Variants in SLIT3 observed in about 807,000 individuals in gnomAD.
The protein encoded by SLIT3 is slit homolog 3 protein.
Under a neutral mutation model 184.0 loss-of-function variants are expected in SLIT3, and 68 were observed. That is an observed-to-expected ratio of 0.37 (90% confidence interval 0.30 to 0.45). SLIT3 has a LOEUF of 0.45. SLIT3 is among the 20% of genes least tolerant of loss of function. The pLI is 1.00. For missense variants in SLIT3, 1,707 were observed against 2,026.0 expected (o/e 0.84, Z 3.02); for synonymous variants, 831 against 828.6 (o/e 1.00, Z -0.05).
At chr5:169,015,805 T>C (rs1283178498) in intron 4 of SLIT3, among the ~76,000 whole-genome samples, 1 of 151,938 alleles carries the variant, frequency 6.6e-6, no homozygotes, top group African/African-American at 2.4e-5. Flanking sequence ...GTGGTGGTAC[T>C]TGCCTATAGT....
intron 4 of SLIT3, among the ~76,000 whole-genome samples, chr5:169,189,984 A>G (rs1763497946): frequency 6.6e-6 from 1 of 152,216 alleles, no homozygotes; most frequent in Non-Finnish European, 1.5e-5. Context: ...TGCTCAATAC[A>G]CTAGCAGACA....
At chr5:168,791,453 G>T (rs955340328) in intron 10 of SLIT3, 1 of 152,146 alleles carries the variant, frequency 6.6e-6, no homozygotes, top group Non-Finnish European at 1.5e-5. Context: ...AATTGACCTT[G>T]GTCACTTTGT....
Position 169,197,220 on chromosome 5 carries a change from A to G in SLIT3, c.342-3670T>C, listed in dbSNP as rs536325705. 1.5e-4 allele frequency among the ~76,000 whole-genome samples: 23 copies of G among 152,296 alleles called. No homozygotes were observed. The East Asian group carries it at 4.4e-3, about 29-fold the overall frequency. On this transcript the variant is annotated intron_variant, in intron 3 of 35. Transcript: ENST00000519560. ...CCCACTGCTTCATAAACCCTGAATG[A>G]GGATTCTGGGACAGATGGGTGGGGC...
chr5:168,966,513 G>A (rs772099383), intron 4 of SLIT3, among the ~76,000 whole-genome samples: 2 of 152,154 alleles, frequency 1.3e-5, no homozygotes, highest in Non-Finnish European at 2.9e-5. Context: ...CCATGGGACT[G>A]CCCTCCTTGT....
intron 4 of SLIT3, among the ~76,000 whole-genome samples, chr5:168,945,869 T>A (rs1762460355): frequency 6.6e-6 from 1 of 152,218 alleles, no homozygotes; most frequent in Non-Finnish European, 1.5e-5. Context: ...AAATATCTCT[T>A]GATTTGTTCT....
intron 2 of SLIT3, among the ~76,000 whole-genome samples, chr5:169,246,564 G>A (rs1161412796): frequency 6.6e-6 from 1 of 152,098 alleles, no homozygotes; most frequent in Non-Finnish European, 1.5e-5. Context: ...AAGTTCTTAC[G>A]AGAACAAAAA....
intron 18 of SLIT3, among the ~76,000 whole-genome samples, chr5:168,749,843 C>G (rs756717628): frequency 3.9e-5 from 6 of 152,154 alleles, no homozygotes; most frequent in Non-Finnish European, 7.3e-5. Context: ...CCATGCCCTC[C>G]CTTGGGTACC....
chr5:168,930,402 G>A (rs1290535188), intron 4 of SLIT3, among the ~76,000 whole-genome samples: 3 of 152,156 alleles, frequency 2.0e-5, no homozygotes, highest in East Asian at 3.9e-4. Context: ...ATGCTGAATG[G>A]TTTGCTGTTT....
At chr5:169,049,419 T>C (rs570838804) in intron 4 of SLIT3, among the ~76,000 whole-genome samples, 4 of 152,300 alleles carry the variant, frequency 2.6e-5, no homozygotes, top group African/African-American at 9.6e-5. Context: ...GATGTTGCTT[T>C]GCTTAACTTT....
At chr5:168,960,463 T>C (rs1762966509) in intron 4 of SLIT3, among the ~76,000 whole-genome samples, 1 of 152,246 alleles carries the variant, frequency 6.6e-6, no homozygotes, top group South Asian at 2.1e-4. Flanking sequence ...ATATCTCCTT[T>C]ACATGCAGAG....
chr5:168,913,831 C>T (rs1464314703), intron 4 of SLIT3, among the ~76,000 whole-genome samples: 1 of 151,962 alleles, frequency 6.6e-6, no homozygotes, highest in African/African-American at 2.4e-5. Context: ...CCACTCTGAC[C>T]TCTGGTCTCT....
At chr5:168,823,364 GGCA>G (rs1757597985) in intron 6 of SLIT3, 33 bp from the exon 7 acceptor site, 1 of 1,523,066 alleles carries the variant, frequency 6.6e-7, no homozygotes, top group Non-Finnish European at 9.1e-7. Flanking sequence ...TGGTCAGCCA[GGCA>G]GCAGCAGGGG....
intron 4 of SLIT3, among the ~76,000 whole-genome samples, chr5:168,953,127 A>T (rs981576344): frequency 1.3e-5 from 2 of 152,154 alleles, no homozygotes; most frequent in African/African-American, 4.8e-5. Context: ...TATACATGAA[A>T]GTCCCAAAGT....
chr5:168,821,337 C>T (rs1012571670), intron 7 of SLIT3, among the ~76,000 whole-genome samples: 1 of 152,326 alleles, frequency 6.6e-6, no homozygotes, highest in East Asian at 1.9e-4. Context: ...ACAGGAACAG[C>T]TCACAGGAGC....
chr5:169,116,813 C>T (rs1760682819), intron 4 of SLIT3, among the ~76,000 whole-genome samples: 1 of 152,220 alleles, frequency 6.6e-6, no homozygotes, highest in Non-Finnish European at 1.5e-5. Context: ...GAAGGAGCCC[C>T]ATGTCCTCTG....
intron 4 of SLIT3, among the ~76,000 whole-genome samples, chr5:169,126,985 C>A (rs28544477): frequency 0.22 from 32,726 of 152,014 alleles, 3,780 homozygotes; most frequent in Middle Eastern, 0.28. Context: ...GACTTCAAGG[C>A]CTCAAGTAAT....
chr5:168,774,254 G>A lies in SLIT3; in HGVS notation c.1276C>T (p.Leu426=). ...QTISKGLFAP[L]QSIQTLHLAQ... Reference sequence around the variant, plus strand: ...ACTCACAGTGTCTGGATGGACTGCAGAGGGGCGAAGAGCCCCTTGCTGATG... The same window carrying A: ...ACTCACAGTGTCTGGATGGACTGCAAAGGGGCGAAGAGCCCCTTGCTGATG... Residue 426 remains leucine (L), a synonymous_variant, in exon 13 of 36, where the codon CTG becomes TTG. Transcript: ENST00000519560. 1 of 1,613,244 alleles carries A rather than the reference G, an allele frequency of 6.2e-7. No homozygotes were observed. The highest frequency in any genetic ancestry group is 8.5e-7 in the Non-Finnish European group (1 of 1,179,564).
rs1449817475 is a variant in SLIT3, at chr5:168,856,787, G to GTA, written c.486-12133_486-12132insTA. Among the ~76,000 whole-genome samples, 140 of 146,002 alleles carry GTA rather than the reference G, an allele frequency of 9.6e-4. 1 individual carries two copies. The highest frequency in any genetic ancestry group is 3.3e-3 in the African/African-American group (128 of 38,346). On this transcript the variant is annotated intron_variant, in intron 5 of 35. Transcript: ENST00000519560. ...TCCTCGTGTGTGTGTGTGTGTGTGT[G>GTA]TGTGTGTGTGTGTGTGTGTGCGCGC...
intron 4 of SLIT3, among the ~76,000 whole-genome samples, chr5:169,057,863 C>A (rs562828680): frequency 3.9e-4 from 59 of 152,280 alleles, no homozygotes; most frequent in African/African-American, 1.3e-3. Context: ...AGCATTCACC[C>A]CAAAAAGGCC....
Sources: allele counts gnomAD v4.1 joint callset (sites outside exome capture counted in the v4.1 genomes callset), GRCh38; gene constraint gnomAD v4.1.1; transcripts MANE v1.5; gene names NCBI Gene and HGNC (gene_info 2026-07-23, HGNC 2026-07-21).